The following COBL variants were observed in gnomAD, a reference collection of about 807,000 sequenced individuals.
COBL encodes the protein cordon-bleu WH2 repeat protein, also known as protein cordon-bleu.
COBL carries 51 observed loss-of-function variants against 98.8 expected under a neutral mutation model. That is an observed-to-expected ratio of 0.52 (90% CI 0.41 to 0.65). The LOEUF is 0.65. Among genes scored for constraint, COBL ranks in the 30% least tolerant of loss-of-function variants. The pLI is 0.00. For synonymous variants in COBL, 634 were observed against 651.7 expected (o/e 0.97, Z 0.41); for missense variants, 1,617 against 1,617.5 (o/e 1.00, Z 0.01).
intron 6 of COBL, among the ~76,000 whole-genome samples, chr7:51,115,585 T>A (rs1262493357): frequency 6.6e-6 from 1 of 152,156 alleles, no homozygotes; most frequent in Non-Finnish European, 1.5e-5. Context: ...GACATATTGT[T>A]ACTGTTGATT....
intron 1 of COBL, among the ~76,000 whole-genome samples, chr7:51,306,030 C>A (rs578090486): frequency 6.6e-6 from 1 of 152,080 alleles, no homozygotes; most frequent in Non-Finnish European, 1.5e-5. Context: ...AGCAGCAAGA[C>A]TCTGTCTTGG....
chr7:51,104,780 T>A lies in COBL; in HGVS notation c.958-19476A>T, dbSNP rs147117894. Among the ~76,000 whole-genome samples the A allele has an allele frequency of 1.1e-3, 173 of 152,256 alleles. 2 individuals carry two copies. The East Asian group carries it at 0.022, about 19-fold the overall frequency. On this transcript the variant is annotated intron_variant, in intron 6 of 12. Coordinates refer to ENST00000265136, the MANE Select transcript of COBL (RefSeq NM_015198.5). Reference sequence around the variant, plus strand: ...CCAGGGTCCTGAGAGAATTCAGTCATCCTCTGTCACCTGGTTAAGTTTCTT... The same window carrying A: ...CCAGGGTCCTGAGAGAATTCAGTCAACCTCTGTCACCTGGTTAAGTTTCTT...
At chr7:51,275,919 T>G (rs1799270506) in intron 1 of COBL, among the ~76,000 whole-genome samples, 1 of 152,220 alleles carries the variant, frequency 6.6e-6, no homozygotes, top group Admixed American at 6.5e-5. Context: ...CGGGGTTTTG[T>G]GAGGTTGTCT....
intron 6 of COBL, among the ~76,000 whole-genome samples, chr7:51,120,180 AG>A (rs1797623748): frequency 6.6e-6 from 1 of 152,186 alleles, no homozygotes; most frequent in African/African-American, 2.4e-5. Context: ...GGATCAAACA[AG>A]GGGGTCAAAA....
intron 5 of COBL, among the ~76,000 whole-genome samples, chr7:51,138,653 C>T (rs1304430074): frequency 6.6e-6 from 1 of 152,208 alleles, no homozygotes; most frequent in East Asian, 1.9e-4. Flanking sequence ...ACTGCACATG[C>T]ACACACTCAC....
At chr7:51,169,601 G>A (rs537814505) in intron 5 of COBL, among the ~76,000 whole-genome samples, 1 of 152,268 alleles carries the variant, frequency 6.6e-6, no homozygotes, top group African/African-American at 2.4e-5. Flanking sequence ...GGCAGACACA[G>A]AAAGACAAAT....
rs1321733372 is a variant in COBL, at chr7:51,028,898, A to G, written c.2198T>C (p.Ile733Thr). 4 of 1,614,104 alleles carry G rather than the reference A, an allele frequency of 2.5e-6. No individual in the cohort carries two copies. In the African/African-American group the frequency reaches 5.3e-5, roughly 22 times the overall value. Residue 733 changes from isoleucine to threonine, a missense_variant, in exon 10 of 13, where the codon ATT becomes ACT. Around this residue, in one of 3 missense-constraint regions of COBL, gnomAD observed 1,304 missense variants for 1,282.0 expected, o/e 1.02. Transcript: ENST00000265136. The stretch of plus-strand genomic sequence containing the variant: ...ACTCACCAAGTTCCCCAGCTCGTCA[A>G]TCTTAATGGCTCCGGTGGAGAGGGA... The part of the protein sequence containing the change: ...DVSLSTGAIK[I>T]DELGNLVSPH...
chr7:51,167,006 G>A (rs1787388878), intron 5 of COBL, among the ~76,000 whole-genome samples: 1 of 152,100 alleles, frequency 6.6e-6, no homozygotes, highest in South Asian at 2.1e-4. Context: ...CTTACTGAAT[G>A]GAGAAAAACT....
chr7:51,128,765 T>A (rs993311212), intron 6 of COBL, among the ~76,000 whole-genome samples: 1 of 152,218 alleles, frequency 6.6e-6, no homozygotes, highest in Non-Finnish European at 1.5e-5. Flanking sequence ...CACCCCCATG[T>A]GCTCTGGCCC....
At chr7:51,298,300 T>C (rs956399728) in intron 1 of COBL, among the ~76,000 whole-genome samples, 5 of 152,238 alleles carry the variant, frequency 3.3e-5, no homozygotes, top group African/African-American at 9.6e-5. Context: ...CCATTCCCAC[T>C]GCTAAGCTGC....
intron 5 of COBL, among the ~76,000 whole-genome samples, chr7:51,178,184 A>C (rs61196554): frequency 0.32 from 48,735 of 151,276 alleles, 9,265 homozygotes; most frequent in East Asian, 0.72. Flanking sequence ...CTCTCTCTAT[A>C]TATATATATA....
intron 2 of COBL, among the ~76,000 whole-genome samples, chr7:51,202,069 A>T (rs1024792195): frequency 1.3e-5 from 2 of 152,202 alleles, no homozygotes; most frequent in Admixed American, 6.5e-5. Context: ...ATGGTATTGC[A>T]GTGCTTGTGT....
chr7:51,301,048 G>A (rs959414114), intron 1 of COBL, among the ~76,000 whole-genome samples: 1 of 152,142 alleles, frequency 6.6e-6, no homozygotes, highest in African/African-American at 2.4e-5. Context: ...TGTTAAAATG[G>A]GAAGAGCACC....
At chr7:51,240,017 C>A (rs183260037) in intron 1 of COBL, among the ~76,000 whole-genome samples, 74 of 152,308 alleles carry the variant, frequency 4.9e-4, no homozygotes, top group Middle Eastern at 3.4e-3. Context: ...CTTATGGACA[C>A]AATTTTGAAT....
chr7:51,156,324 T>C (rs1017064435), intron 5 of COBL: 9 of 985,280 alleles, frequency 9.1e-6, no homozygotes, highest in Non-Finnish European at 9.6e-6. Flanking sequence ...GTAGTTATTC[T>C]TGTCCAAGTT....
At chr7:51,149,775 A>G (rs761629541) in intron 5 of COBL, among the ~76,000 whole-genome samples, 2 of 151,992 alleles carry the variant, frequency 1.3e-5, no homozygotes, top group African/African-American at 4.8e-5. Context: ...CTGGCTAATT[A>G]TTGTATTCTT....
chr7:51,303,242 G>A (rs1030084925), intron 1 of COBL, among the ~76,000 whole-genome samples: 5 of 152,070 alleles, frequency 3.3e-5, no homozygotes, highest in Non-Finnish European at 5.9e-5. Flanking sequence ...AATCGAATGT[G>A]GACAGGAAAG....
intron 12 of COBL, among the ~76,000 whole-genome samples, chr7:51,020,333 T>A (rs1786803114): frequency 6.6e-6 from 1 of 152,168 alleles, no homozygotes; most frequent in African/African-American, 2.4e-5. Flanking sequence ...CCCAGCTTCT[T>A]TGGAAAAGTT....
In COBL at chr7:51,028,629, G is replaced by A. The variant is rs1787838347; in HGVS notation, c.2467C>T (p.His823Tyr). ...PISPQQKSAH[H>Y]EGRNPLGEGR... ...TCCCCTAGGGGGTTCCGGCCCTCAT[G>A]GTGGGCAGACTTCTGCTGGGGCGAT... Residue 823 changes from histidine (H) to tyrosine (Y), a missense_variant, in exon 10 of 13, where the codon CAT becomes TAT. By Grantham distance (83) the His-to-Tyr change is moderately conservative (BLOSUM62 2). Coordinates refer to ENST00000265136, the MANE Select transcript of COBL (RefSeq NM_015198.5). 1.2e-6 allele frequency: 2 copies of A among 1,613,478 alleles called. No homozygotes were observed. The highest frequency in any genetic ancestry group is 2.2e-5 in the South Asian group (2 of 91,016).
Sources: gnomAD v4.1 joint callset for allele counts (sites outside exome capture counted in the v4.1 genomes callset) on GRCh38, gnomAD v4.1.1 for gene constraint, gnomAD v4.1.1 regional missense constraint, MANE v1.5 for transcripts, NCBI Gene and HGNC (gene_info 2026-07-23, HGNC 2026-07-21) for gene names.